Variants in KCNMA1 observed in about 807,000 individuals in gnomAD.
KCNMA1 encodes the protein Calcium-activated potassium channel subunit alpha-1.
A neutral mutation model predicts 140.0 loss-of-function variants in KCNMA1; 29 were observed. That is an observed-to-expected ratio of 0.21 (90% confidence interval 0.15 to 0.28). The LOEUF (loss-of-function observed/expected upper bound fraction) is 0.28, where lower values mean the gene tolerates loss of function less well. Among genes scored for constraint, KCNMA1 ranks in the 10% least tolerant of loss-of-function variants. KCNMA1 has a pLI of 1.00. For synonymous variants in KCNMA1, 612 were observed against 611.9 expected (o/e 1.00, Z 0.00); for missense variants, 880 against 1,602.2 (o/e 0.55, Z 7.70).
intron 12 of KCNMA1, 108 bp from the exon 13 acceptor site, chr10:77,079,658 G>C: frequency 1.3e-6 from 1 of 784,780 alleles, no homozygotes; most frequent in Non-Finnish European, 2.3e-6. Flanking sequence ...ACTGAGGTAG[G>C]AGGCAGGACT....
rs931764820 is a variant in KCNMA1, at chr10:77,001,460, G to C, written c.2213C>G (p.Ala738Gly). The C allele has an allele frequency of 4.5e-6, 7 of 1,551,674 alleles. No individual in the cohort carries two copies. The African/African-American group carries it at 5.5e-5, about 12-fold the overall frequency. Residue 738 changes from alanine to glycine, a missense_variant, in exon 19 of 28, where the codon GCC becomes GGC. This residue lies in a region of KCNMA1 where 196 missense variants were observed against 233.0 expected (regional missense o/e 0.84). Coordinates refer to ENST00000286628, the MANE Select transcript of KCNMA1 (RefSeq NM_001161352.2). ...AACAGAGACAGAAGAAAGTGGGAAG[G>C]CTCTCTCAAGGGTGTCCACGTTACC... is the stretch of plus-strand genomic sequence containing the variant. Reference protein sequence around the residue: ...VRGNVDTLERAFPLSSVSVND... With the variant: ...VRGNVDTLERGFPLSSVSVND...
chr10:77,123,158 C>T (rs1409154644), intron 5 of KCNMA1, among the ~76,000 whole-genome samples: 1 of 112,438 alleles, frequency 8.9e-6, no homozygotes, highest in Non-Finnish European at 1.6e-5. Flanking sequence ...CCAGCCTGGG[C>T]GACAGAGCGA....
intron 1 of KCNMA1, among the ~76,000 whole-genome samples, chr10:77,445,272 G>A (rs954951039): frequency 1.3e-5 from 2 of 152,008 alleles, no homozygotes; most frequent in African/African-American, 4.8e-5. Flanking sequence ...CAGGTGAGCT[G>A]AGCCACGCTG....
chr10:77,027,120 G>T (rs1369262186), intron 16 of KCNMA1, among the ~76,000 whole-genome samples: 1 of 152,172 alleles, frequency 6.6e-6, no homozygotes, highest in Non-Finnish European at 1.5e-5. Flanking sequence ...TATCTGTAAG[G>T]TGTACAGTAC....
chr10:77,212,756 C>A (rs1324069273), intron 3 of KCNMA1, among the ~76,000 whole-genome samples: 1 of 152,082 alleles, frequency 6.6e-6, no homozygotes, highest in East Asian at 1.9e-4. Flanking sequence ...GAAATGAGAG[C>A]AATCTCTGCT....
intron 1 of KCNMA1, among the ~76,000 whole-genome samples, chr10:77,575,363 G>A (rs939243134): frequency 2.0e-5 from 3 of 152,180 alleles, no homozygotes; most frequent in African/African-American, 7.2e-5. Context: ...CTTTTCCAGA[G>A]CAGGTTATCG....
At chr10:77,239,822 G>A (rs475585) in intron 3 of KCNMA1, among the ~76,000 whole-genome samples, 52,041 of 152,088 alleles carry the variant, frequency 0.34, 9,305 homozygotes, top group East Asian at 0.56. Flanking sequence ...GGACGACACC[G>A]TAAGAATTTC....
chr10:77,172,754 G>A (rs1248972716), intron 5 of KCNMA1, among the ~76,000 whole-genome samples: 3 of 151,098 alleles, frequency 2.0e-5, no homozygotes, highest in Non-Finnish European at 4.4e-5. Flanking sequence ...GTCTATATGC[G>A]CTAACAAAAT....
At chr10:77,377,288 T>C (rs1202345303) in intron 2 of KCNMA1, among the ~76,000 whole-genome samples, 1 of 152,122 alleles carries the variant, frequency 6.6e-6, no homozygotes, top group Non-Finnish European at 1.5e-5. Context: ...CTCCCCCACC[T>C]GCTGACAAGG....
intron 23 of KCNMA1, among the ~76,000 whole-genome samples, chr10:76,941,940 A>G (rs7921324): frequency 0.064 from 9,762 of 152,064 alleles, 607 homozygotes; most frequent in African/African-American, 0.16. Flanking sequence ...GGTCTCTCTC[A>G]GGCTTCTTTT....
intron 2 of KCNMA1, among the ~76,000 whole-genome samples, chr10:77,322,164 A>G (rs542226057): frequency 6.6e-6 from 1 of 152,226 alleles, no homozygotes; most frequent in African/African-American, 2.4e-5. Context: ...GAGCATGGAG[A>G]AGCAGGTAGA....
At chr10:77,293,497 T>C (rs1787610587) in intron 2 of KCNMA1, among the ~76,000 whole-genome samples, 1 of 152,194 alleles carries the variant, frequency 6.6e-6, no homozygotes, top group Non-Finnish European at 1.5e-5. Context: ...CTAAGGGGCA[T>C]TGTGGGTTCC....
chr10:77,634,030 G>A (rs912536958), intron 1 of KCNMA1: 3 of 408,990 alleles, frequency 7.3e-6, no homozygotes, highest in Admixed American at 6.4e-5. Flanking sequence ...GAATCACAGA[G>A]CAGGAAGGGA....
intron 1 of KCNMA1, among the ~76,000 whole-genome samples, chr10:77,412,317 G>A (rs373331191): frequency 5.3e-5 from 8 of 152,278 alleles, no homozygotes; most frequent in East Asian, 1.9e-4. Context: ...GATGGACTGC[G>A]CTCTGAGTTA....
intron 3 of KCNMA1, among the ~76,000 whole-genome samples, chr10:77,191,029 A>C (rs1288857174): frequency 6.6e-6 from 1 of 152,152 alleles, no homozygotes; most frequent in African/African-American, 2.4e-5. Context: ...AATAAATAAA[A>C]AAGATGATAT....
chr10:77,129,764 A>C (rs1241609015), intron 5 of KCNMA1, among the ~76,000 whole-genome samples: 1 of 151,242 alleles, frequency 6.6e-6, no homozygotes, highest in East Asian at 2.1e-4. Context: ...AAACAAACAA[A>C]ATAAAGTTCT....
intron 1 of KCNMA1, among the ~76,000 whole-genome samples, chr10:77,526,332 C>T (rs1357153269): frequency 1.3e-5 from 2 of 152,304 alleles, no homozygotes; most frequent in African/African-American, 2.4e-5. Context: ...AAGCATCTAA[C>T]TAATGTAGTG....
chr10:77,388,878 G>GC (rs1184185797), intron 2 of KCNMA1, among the ~76,000 whole-genome samples: 2 of 152,158 alleles, frequency 1.3e-5, no homozygotes, highest in African/African-American at 4.8e-5. Context: ...CAACAACTGA[G>GC]CCCCCAACAC....
chr10:77,308,971 AG>A (rs978094737), intron 2 of KCNMA1, among the ~76,000 whole-genome samples: 8 of 152,222 alleles, frequency 5.3e-5, no homozygotes, highest in African/African-American at 1.9e-4. Flanking sequence ...TGAGCTCCAA[AG>A]CATCAAGCTT....
Sources: gnomAD v4.1 joint callset for allele counts (sites outside exome capture counted in the v4.1 genomes callset) on GRCh38, gnomAD v4.1.1 for gene constraint, gnomAD v4.1.1 regional missense constraint, MANE v1.5 for transcripts, NCBI Gene and HGNC (gene_info 2026-07-23, HGNC 2026-07-21) for gene names.